ZNF180: variants seen among roughly 807,000 people sequenced by gnomAD.
ZNF180 encodes zinc finger protein 180 (HHZ168).
ZNF180 carries 11 observed loss-of-function variants against 11.8 expected under a neutral mutation model. The observed-to-expected ratio is 0.93, with a 90% CI of 0.59 to 1.55. The LOEUF (loss-of-function observed/expected upper bound fraction) is 1.55. Among genes scored for constraint, ZNF180 ranks in the 40% most tolerant of loss-of-function variants. The probability of loss-of-function intolerance (pLI) is 0.00; values close to 1 mark genes in which losing one functional copy is unlikely to be tolerated. For synonymous variants in ZNF180, 287 were observed against 257.7 expected, an observed-to-expected ratio of 1.11 and a Z score of -1.09; for missense variants, 773 against 781.7, an observed-to-expected ratio of 0.99 and a Z score of 0.13.
intron 2 of ZNF180, among the ~76,000 whole-genome samples, chr19:44,496,886 C>T (rs1431987401): frequency 3.9e-5 from 6 of 151,978 alleles, no homozygotes; most frequent in Non-Finnish European, 8.8e-5. Flanking sequence ...ATAACTTTTT[C>T]TGTCATTAAA....
rs746022615 is a variant in ZNF180 at position 44,487,506 on chromosome 19, A to G, written c.52-3071T>C. Among the ~76,000 whole-genome samples, 5 of 152,166 alleles carry G rather than the reference A, an allele frequency of 3.3e-5. No individual in the cohort carries two copies. In the South Asian group the frequency reaches 8.3e-4, roughly 25 times the overall value. On this transcript the variant is annotated intron_variant, in intron 2 of 4. Transcript: ENST00000592529. The stretch of plus-strand genomic sequence containing the variant: ...GTCTCAAACTGCTGGTCTCAGCGCC[A>G]TGACAGTTTTGTCAGGAAGTTACCC...
At chr19:44,493,552 G>A (rs1220397314) in intron 2 of ZNF180, among the ~76,000 whole-genome samples, 1 of 152,206 alleles carries the variant, frequency 6.6e-6, no homozygotes, top group Non-Finnish European at 1.5e-5. Flanking sequence ...GAGAAGTGTG[G>A]TAGCCAGACT....
intron 1 of ZNF180, among the ~76,000 whole-genome samples, chr19:44,498,654 GGTGT>G (rs1054901029): frequency 2.6e-5 from 4 of 152,018 alleles, no homozygotes; most frequent in African/African-American, 9.7e-5. Context: ...ACCAAACACC[GGTGT>G]GTGTGCACAA....
At position 44,488,080 on chromosome 19, in the gene ZNF180, C is replaced by G. The variant is rs935743126; in HGVS notation, c.52-3645G>C. The stretch of plus-strand genomic sequence containing the variant: ...CCTCGCCCTTGCCCTCTCCCTCTCC[C>G]TCTCCCCACGGTCTCCCTCTCCCTC... On this transcript the variant is annotated intron_variant, in intron 2 of 4. Coordinates refer to ENST00000592529, the MANE Select transcript of ZNF180 (RefSeq NM_001278509.3). Among the ~76,000 whole-genome samples, 4 of 129,084 alleles carry G rather than the reference C, an allele frequency of 3.1e-5. 1 individual carries two copies. Among genetic ancestry groups the G allele is most frequent in the African/African-American group, 5.5e-5 (2 of 36,216 alleles). 84.7% of individuals were successfully genotyped at this position (129,084 alleles called of 152,430 possible).
rs774013822 is a variant in ZNF180, at chr19:44,477,711, C to T, written c.689G>A (p.Ser230Asn). Residue 230 changes from serine to asparagine, a missense_variant, in exon 5 of 5, where the codon AGC (serine) becomes AAC (asparagine). Coordinates refer to ENST00000592529, the MANE Select transcript of ZNF180 (RefSeq NM_001278509.3). ...TCTTGTAAACTGAATAAGGTGAATGCTCTGAGGGGGTTTTCCACATTCATT... is the reference window on the plus strand; with the variant it reads ...TCTTGTAAACTGAATAAGGTGAATGTTCTGAGGGGGTTTTCCACATTCATT... ...ENNECGKPPQ[S>N]IHLIQFTRTQ... The T allele has an allele frequency of 3.1e-6, 5 of 1,613,928 alleles. No homozygotes were observed. The African/African-American group carries it at 4.0e-5, about 13-fold the overall frequency.
chr19:44,479,553 C>T, intron 3 of ZNF180, 144 bp from the exon 4 acceptor site: 1 of 1,106,502 alleles, frequency 9.0e-7, no homozygotes, highest in East Asian at 2.5e-5. Context: ...AGATTCCAGT[C>T]AAGATGTACA....
At chr19:44,489,244 A>G (rs1375192490) in intron 2 of ZNF180, among the ~76,000 whole-genome samples, 1 of 136,922 alleles carries the variant, frequency 7.3e-6, no homozygotes, top group South Asian at 2.7e-4. Context: ...GGTGTACCCA[A>G]CAGCTCATTG....
intron 2 of ZNF180, among the ~76,000 whole-genome samples, chr19:44,488,974 A>C: frequency 6.7e-6 from 1 of 149,544 alleles, no homozygotes; most frequent in East Asian, 2.0e-4. Context: ...CTGAGAAGTG[A>C]GGAGCCCCTC....
chr19:44,476,214 G>C lies in ZNF180; in HGVS notation c.*188C>G. ...ACATTGTATATGGAATTGCCAGGTT[G>C]AAAAGTCGTTCATAGACTTTCCCCC... On this transcript the variant is annotated 3_prime_UTR_variant, in exon 5 of 5. Coordinates refer to ENST00000592529, the MANE Select transcript of ZNF180 (RefSeq NM_001278509.3). 1.9e-6 allele frequency: 1 copy of C among 525,808 alleles called. No individual in the cohort carries two copies. The highest frequency in any genetic ancestry group is 3.7e-5 in the Admixed American group (1 of 27,004). 32.6% of individuals were successfully genotyped at this position (525,808 alleles called of 1,614,324 possible). A position where few individuals can be genotyped will look rare whatever the true frequency, so the allele number is the denominator to read the frequency against.
chr19:44,487,395 T>G (rs1970257134), intron 2 of ZNF180, among the ~76,000 whole-genome samples: 1 of 152,238 alleles, frequency 6.6e-6, no homozygotes, highest in African/African-American at 2.4e-5. Context: ...GTTGTGTTGC[T>G]TGCATTACTA....
At position 44,500,296 on chromosome 19, in the gene ZNF180, G is replaced by A. The variant is rs1028384942; in HGVS notation, c.-65C>T. 5.0e-6 allele frequency: 8 copies of A among 1,608,500 alleles called. No homozygotes were observed. Among genetic ancestry groups the A allele is most frequent in the Non-Finnish European group, 6.8e-6 (8 of 1,177,452 alleles). ...CAACCTGGGCGTCCGCTGGCCCGCA[G>A]CCCAGGCTGGGCCTGTCACCGCCTC... On this transcript the variant is annotated 5_prime_UTR_variant, in exon 1 of 5. Coordinates refer to ENST00000592529, the MANE Select transcript of ZNF180 (RefSeq NM_001278509.3).
At position 44,476,094 on chromosome 19, in the gene ZNF180, T is replaced by C; in HGVS notation, c.*308A>G. 1 of 235,804 alleles carries C rather than the reference T, an allele frequency of 4.2e-6. No individual in the cohort carries two copies. The highest frequency in any genetic ancestry group is 8.2e-6 in the Non-Finnish European group (1 of 122,184). 14.6% of individuals were successfully genotyped at this position (235,804 alleles called of 1,614,324 possible). A position where few individuals can be genotyped will look rare whatever the true frequency, so the allele number is the denominator to read the frequency against. On this transcript the variant is annotated 3_prime_UTR_variant, in exon 5 of 5. Transcript: ENST00000592529. Reference sequence around the variant, plus strand: ...CTAACACTGGCAGTTGGCTTTGGCATATGATTTTCTCTGATTCAGGTCTGA... The same window carrying C: ...CTAACACTGGCAGTTGGCTTTGGCACATGATTTTCTCTGATTCAGGTCTGA...
chr19:44,478,192 A>T, intron 4 of ZNF180, 46 bp from the exon 5 acceptor site: 1 of 1,470,860 alleles, frequency 6.8e-7, no homozygotes, highest in Non-Finnish European at 9.0e-7. Context: ...AATATTAGAG[A>T]TGGAAAAATG....
chr19:44,482,566 A>C, intron 3 of ZNF180, among the ~76,000 whole-genome samples: 1 of 150,436 alleles, frequency 6.6e-6, no homozygotes. Flanking sequence ...CCTGAACACC[A>C]CCCCCACCCC....
intron 2 of ZNF180, among the ~76,000 whole-genome samples, chr19:44,486,386 T>C (rs985815420): frequency 2.3e-4 from 35 of 152,228 alleles, no homozygotes; most frequent in African/African-American, 5.5e-4. Context: ...AATTAAATAT[T>C]TGGAAACCAG....
chr19:44,489,712 G>A (rs1247233969), intron 2 of ZNF180, among the ~76,000 whole-genome samples: 10 of 127,578 alleles, frequency 7.8e-5, no homozygotes, highest in African/African-American at 2.3e-4. Flanking sequence ...CCCCCTCTGC[G>A]AGAAACACCC....
At chr19:44,485,478 C>T (rs2686760) in intron 2 of ZNF180, among the ~76,000 whole-genome samples, 77,830 of 151,976 alleles carry the variant, frequency 0.51, 20,724 homozygotes, top group South Asian at 0.69. Flanking sequence ...TTCTCTGGCT[C>T]CCATTTTCCT....
chr19:44,483,343 A>C (rs184941530), intron 3 of ZNF180, among the ~76,000 whole-genome samples: 1 of 152,212 alleles, frequency 6.6e-6, no homozygotes, highest in Admixed American at 6.5e-5. Context: ...TGTCCACTCC[A>C]TAGGAAGTGG....
chr19:44,493,859 C>T (rs1366264517), intron 2 of ZNF180, among the ~76,000 whole-genome samples: 1 of 152,152 alleles, frequency 6.6e-6, no homozygotes, highest in Non-Finnish European at 1.5e-5. Context: ...TGCCAACAGC[C>T]ATCTGAGTGA....
Sources: allele counts gnomAD v4.1 joint callset (sites outside exome capture counted in the v4.1 genomes callset), GRCh38; gene constraint gnomAD v4.1.1; transcripts MANE v1.5; gene names NCBI Gene and HGNC (gene_info 2026-07-23, HGNC 2026-07-21).